The following TAFA2 variants were observed in gnomAD, a reference collection of about 807,000 sequenced individuals.
TAFA2 encodes the protein TAFA chemokine like family member 2, also known as chemokine-like protein TAFA-2.
In TAFA2, 7 loss-of-function variants were observed where a neutral mutation model predicts 18.8. That is an observed-to-expected ratio of 0.37 (90% CI 0.21 to 0.70). The LOEUF (loss-of-function observed/expected upper bound fraction) is 0.70. Among genes scored for constraint, TAFA2 ranks in the 30% least tolerant of loss-of-function variants. The probability of loss-of-function intolerance (pLI) is 0.53; values close to 1 mark genes in which losing one functional copy is unlikely to be tolerated. For missense variants in TAFA2, 122 were observed against 158.1 expected (o/e 0.77, Z 1.23); for synonymous variants, 60 against 54.2 (o/e 1.11, Z -0.47).
chr12:61,879,483 C>T (rs1448607318), intron 1 of TAFA2: 27 of 687,104 alleles, frequency 3.9e-5, no homozygotes, highest in East Asian at 3.5e-4. Context: ...GAGGCTTTGG[C>T]GGGGCCAGCG....
intron 2 of TAFA2, among the ~76,000 whole-genome samples, chr12:61,780,429 T>C (rs1309177589): frequency 2.0e-5 from 3 of 151,986 alleles, no homozygotes; most frequent in Admixed American, 6.6e-5. Context: ...AGAATTTTTC[T>C]GACTCTAGGC....
chr12:62,213,538 G>A (rs2062722263), intron 1 of TAFA2, among the ~76,000 whole-genome samples: 1 of 151,802 alleles, frequency 6.6e-6, no homozygotes, highest in Non-Finnish European at 1.5e-5. Context: ...AGCTGCTCAG[G>A]AGGCTAAGGC....
intron 1 of TAFA2, among the ~76,000 whole-genome samples, chr12:61,871,351 C>A (rs1405101493): frequency 6.6e-6 from 1 of 152,176 alleles, no homozygotes; most frequent in African/African-American, 2.4e-5. Context: ...AGGGACATTG[C>A]CTTCTTTCTC....
chr12:62,003,001 A>G lies in TAFA2; in HGVS notation c.-1-135575T>C, dbSNP rs927951548. Among the ~76,000 whole-genome samples, 5 of 152,068 alleles carry G rather than the reference A, an allele frequency of 3.3e-5. No individual in the cohort carries two copies. In the East Asian group the frequency reaches 9.6e-4, roughly 29 times the overall value. ...CCTCTCTACCCTTCTTACTCAGATT[A>G]AATTCTATTGCCAGTCATTGGAATT... On this transcript the variant is annotated intron_variant, in intron 1 of 4. Coordinates refer to ENST00000416284, the MANE Select transcript of TAFA2 (RefSeq NM_178539.5).
At chr12:61,986,179 T>C (rs1879810568) in intron 1 of TAFA2, among the ~76,000 whole-genome samples, 1 of 141,420 alleles carries the variant, frequency 7.1e-6, no homozygotes, top group Non-Finnish European at 1.5e-5. Context: ...TTTTTTTTTT[T>C]TTTTTTTGTC....
intron 1 of TAFA2, among the ~76,000 whole-genome samples, chr12:62,189,667 C>T (rs1453501077): frequency 6.6e-6 from 1 of 152,074 alleles, no homozygotes. Flanking sequence ...TTTTAATCTC[C>T]TTTCCTGGTT....
At chr12:61,964,049 C>T (rs925234994) in intron 1 of TAFA2, among the ~76,000 whole-genome samples, 1 of 152,002 alleles carries the variant, frequency 6.6e-6, no homozygotes, top group African/African-American at 2.4e-5. Flanking sequence ...TCAACCCCTT[C>T]CTTACACCTT....
At chr12:61,915,528 A>G (rs1876786746) in intron 1 of TAFA2, among the ~76,000 whole-genome samples, 1 of 152,200 alleles carries the variant, frequency 6.6e-6, no homozygotes, top group Admixed American at 6.5e-5. Flanking sequence ...TGGCTTACTC[A>G]GTCATAGCGG....
chr12:62,204,299 C>T (rs2062683225), intron 1 of TAFA2, among the ~76,000 whole-genome samples: 1 of 152,100 alleles, frequency 6.6e-6, no homozygotes, highest in Non-Finnish European at 1.5e-5. Flanking sequence ...CTTGGAGAAT[C>T]TGATGATTAT....
chr12:61,833,543 T>C (rs1311499950), intron 2 of TAFA2, among the ~76,000 whole-genome samples: 1 of 152,098 alleles, frequency 6.6e-6, no homozygotes, highest in East Asian at 1.9e-4. Context: ...TGTTATTCTC[T>C]ATTCAATAAT....
At chr12:61,950,756 G>A (rs560341813) in intron 1 of TAFA2, among the ~76,000 whole-genome samples, 3 of 152,068 alleles carry the variant, frequency 2.0e-5, no homozygotes, top group South Asian at 2.1e-4. Context: ...GTAGCTCCAC[G>A]AAGTCTAAGT....
chr12:61,763,288 A>T (rs1359828563), intron 2 of TAFA2, among the ~76,000 whole-genome samples: 2 of 152,054 alleles, frequency 1.3e-5, no homozygotes, highest in African/African-American at 2.4e-5. Context: ...GTGGGAAAAG[A>T]TTGCCACTAA....
chr12:61,875,730 T>G (rs2121251747), intron 1 of TAFA2, among the ~76,000 whole-genome samples: 1 of 152,236 alleles, frequency 6.6e-6, no homozygotes, highest in South Asian at 2.1e-4. Context: ...CTACAAAAAC[T>G]TCAGACAAAA....
intron 1 of TAFA2, among the ~76,000 whole-genome samples, chr12:62,108,302 G>A (rs1321784040): frequency 1.3e-5 from 2 of 152,216 alleles, no homozygotes; most frequent in South Asian, 2.1e-4. Context: ...CCATGTCCCT[G>A]CAAAGGACAT....
intron 4 of TAFA2, among the ~76,000 whole-genome samples, chr12:61,715,622 G>A (rs1279315045): frequency 1.3e-5 from 2 of 151,682 alleles, no homozygotes. Context: ...AAAGTGCTAG[G>A]TTTACAGGCA....
intron 1 of TAFA2, among the ~76,000 whole-genome samples, chr12:62,098,866 A>G (rs1592334104): frequency 2.0e-5 from 3 of 152,182 alleles, no homozygotes; most frequent in Admixed American, 1.3e-4. Context: ...CTACCTACAG[A>G]TATTTTACCA....
At chr12:61,953,588 C>CA (rs33912504) in intron 1 of TAFA2, among the ~76,000 whole-genome samples, 2 of 152,068 alleles carry the variant, frequency 1.3e-5, no homozygotes, top group South Asian at 4.1e-4. Flanking sequence ...TTAACCTATA[C>CA]AAAAAAAAAA....
chr12:61,714,098 T>C (rs1468280213), intron 4 of TAFA2, among the ~76,000 whole-genome samples: 1 of 152,158 alleles, frequency 6.6e-6, no homozygotes, highest in Non-Finnish European at 1.5e-5. Context: ...TTTTACAGGA[T>C]GGGAGATAGC....
chr12:62,166,802 G>A (rs1005267310), intron 1 of TAFA2, among the ~76,000 whole-genome samples: 1 of 152,106 alleles, frequency 6.6e-6, no homozygotes, highest in African/African-American at 2.4e-5. Flanking sequence ...TCTTCTTCTT[G>A]CACTATAAAA....
Sources: allele counts gnomAD v4.1 joint callset (sites outside exome capture counted in the v4.1 genomes callset), GRCh38; gene constraint gnomAD v4.1.1; transcripts MANE v1.5; gene names NCBI Gene and HGNC (gene_info 2026-07-23, HGNC 2026-07-21).